ABCA8: variants seen among roughly 807,000 people sequenced by gnomAD.
ABCA8 encodes ATP binding cassette subfamily A member 8.
Under a neutral mutation model 192.3 loss-of-function variants are expected in ABCA8, and 177 were observed. The ratio of observed to expected loss-of-function variants is 0.92; its 90% confidence interval spans 0.81 to 1.04. The LOEUF (loss-of-function observed/expected upper bound fraction) is 1.04. ABCA8 is among the 50% of genes least tolerant of loss of function. The pLI is 0.00. For synonymous variants in ABCA8, 642 were observed against 690.2 expected (o/e 0.93, Z 1.09); for missense variants, 1,915 against 1,904.8 (o/e 1.01, Z -0.10).
intron 21 of ABCA8, among the ~76,000 whole-genome samples, chr17:68,897,276 T>C (rs66588031): frequency 0.42 from 63,996 of 152,020 alleles, 14,070 homozygotes; most frequent in East Asian, 0.56. Context: ...CTCAGGGGAA[T>C]AATGCACATG....
At chr17:68,913,517 AC>A (rs1158460953) in intron 17 of ABCA8, among the ~76,000 whole-genome samples, 1 of 152,052 alleles carries the variant, frequency 6.6e-6, no homozygotes, top group East Asian at 1.9e-4. Context: ...AAAGAGAAAG[AC>A]AAAAATAAAT....
intron 7 of ABCA8, among the ~76,000 whole-genome samples, chr17:68,930,022 T>C (rs1289990032): frequency 3.3e-5 from 5 of 151,684 alleles, no homozygotes; most frequent in African/African-American, 1.2e-4. Flanking sequence ...TAATAGATTT[T>C]GGATCGAACA....
At chr17:68,896,206 CA>C (rs1161533951) in intron 21 of ABCA8, among the ~76,000 whole-genome samples, 2 of 152,162 alleles carry the variant, frequency 1.3e-5, no homozygotes, top group Middle Eastern at 3.2e-3. Context: ...TGTTGGTAAG[CA>C]ATTGACAGGA....
chr17:68,893,721 C>CTTT lies in ABCA8; in HGVS notation c.3036+449_3036+451dup, dbSNP rs5821690. Among the ~76,000 whole-genome samples the CTTT allele has an allele frequency of 4.5e-3, 574 of 127,696 alleles. 9 individuals carry two copies. Among genetic ancestry groups the CTTT allele is most frequent in the African/African-American group, 0.016 (546 of 34,616 alleles). The allele number at this position is 127,696 out of a possible 152,430, so 83.8% of individuals were successfully genotyped here. ...TTTCATTTTTATTGCTTCATATTCT[C>CTTT]TTTTTTTTTTTTTCCTTTTCTTTTT... On this transcript the variant is annotated intron_variant, in intron 23 of 39. Coordinates refer to ENST00000586539, the MANE Select transcript of ABCA8 (RefSeq NM_001288985.2).
At chr17:68,882,451 A>C (rs2066358723) in intron 30 of ABCA8, 148 bp downstream of exon 30, 1 of 626,942 alleles carries the variant, frequency 1.6e-6, no homozygotes, top group African/African-American at 1.8e-5. Context: ...AAGAGTTAAC[A>C]TGACTTTTAG....
chr17:68,907,625 T>G, intron 18 of ABCA8, 115 bp downstream of exon 18: 1 of 922,114 alleles, frequency 1.1e-6, no homozygotes, highest in Non-Finnish European at 1.5e-6. Flanking sequence ...TTTGATTATG[T>G]TTCAGTACCT....
chr17:68,877,532 C>A lies in ABCA8; in HGVS notation c.4186G>T (p.Val1396Phe), dbSNP rs1448774683. 4.3e-6 allele frequency: 7 copies of A among 1,613,390 alleles called. No individual in the cohort carries two copies. Among genetic ancestry groups the A allele is most frequent in the Non-Finnish European group, 5.9e-6 (7 of 1,179,654 alleles). ...TCCTCTGTGTACCGTGTGATGGCAA[C>A]CTCAGCATCCCCTTTCCTCAGCCCT... ...VKGLRKGDAE[V>F]AITRLVDALK... The change falls in exon 33 of 40, where the codon GTT (valine) becomes TTT (phenylalanine). Residue 1396 changes from valine to phenylalanine, a missense_variant. Val to Phe is a conservative substitution (Grantham distance 50). Coordinates refer to ENST00000586539, the MANE Select transcript of ABCA8 (RefSeq NM_001288985.2).
At chr17:68,938,612 C>G (rs191933908) in intron 4 of ABCA8, among the ~76,000 whole-genome samples, 12 of 152,202 alleles carry the variant, frequency 7.9e-5, no homozygotes, top group Admixed American at 2.6e-4. Context: ...ATAATATTCA[C>G]CCTTTTAATA....
At position 68,902,815 on chromosome 17, in the gene ABCA8, G is replaced by A; in HGVS notation, c.2662C>T (p.Gln888Ter). The A allele has an allele frequency of 6.2e-7, 1 of 1,613,622 alleles. No individual in the cohort carries two copies. Among genetic ancestry groups the A allele is most frequent in the Non-Finnish European group, 8.5e-7 (1 of 1,179,694 alleles). The part of the protein sequence containing the change: ...LVEYTMVKIY[Q>*]NSYTWELSPH... The stretch of plus-strand genomic sequence containing the variant: ...GAAAGTTCCCAGGTGTAACTGTTTT[G>A]ATATATTTTCACCATGGTATACTCC... The change falls in exon 21 of 40, where the codon CAA (glutamine) becomes TAA (stop). Residue 888 changes from glutamine (Q) to a stop codon, truncating the protein, a stop_gained. Coordinates refer to ENST00000586539, the MANE Select transcript of ABCA8 (RefSeq NM_001288985.2). LOFTEE classifies it high-confidence loss of function.
At chr17:68,934,873 T>C (rs1172145413) in intron 5 of ABCA8, among the ~76,000 whole-genome samples, 1 of 152,196 alleles carries the variant, frequency 6.6e-6, no homozygotes, top group Admixed American at 6.5e-5. Context: ...TGATATAACA[T>C]GTGGTTTCAA....
At position 68,936,677 on chromosome 17, in the gene ABCA8, A is replaced by G. The variant is rs1483787795; in HGVS notation, c.466+274T>C. ...TTTTCTTTTAACAATCATATATTCC[A>G]TATAATATCTATGTGTGTACATATG... On this transcript the variant is annotated intron_variant, in intron 5 of 39. Coordinates refer to ENST00000586539, the MANE Select transcript of ABCA8 (RefSeq NM_001288985.2). Among the ~76,000 whole-genome samples the G allele has an allele frequency of 2.0e-5, 3 of 152,242 alleles. No homozygotes were observed. The East Asian group carries it at 5.8e-4, about 29-fold the overall frequency.
At chr17:68,896,851 T>G (rs2143434107) in intron 21 of ABCA8, among the ~76,000 whole-genome samples, 1 of 152,322 alleles carries the variant, frequency 6.6e-6, no homozygotes, top group Non-Finnish European at 1.5e-5. Flanking sequence ...GCAAATCTCT[T>G]CTGTAAATTG....
At chr17:68,945,795 A>G (rs1394762486) in intron 2 of ABCA8, among the ~76,000 whole-genome samples, 3 of 151,400 alleles carry the variant, frequency 2.0e-5, no homozygotes, top group South Asian at 4.2e-4. Context: ...GTTTGTATTT[A>G]TGTTTGTGTG....
At chr17:68,942,669 C>T (rs2068265872) in intron 2 of ABCA8, among the ~76,000 whole-genome samples, 1 of 152,096 alleles carries the variant, frequency 6.6e-6, no homozygotes, top group Non-Finnish European at 1.5e-5. Context: ...CACAGCTTGC[C>T]ATTCAGACTT....
chr17:68,929,118 G>T lies in ABCA8; in HGVS notation c.1056C>A (p.His352Gln), dbSNP rs749388155. The T allele has an allele frequency of 1.2e-6, 2 of 1,608,900 alleles. No homozygotes were observed. Among genetic ancestry groups the T allele is most frequent in the South Asian group, 1.1e-5 (1 of 89,844 alleles). The part of the protein sequence containing the change: ...GCLGFTSLYR[H>Q]LPASLEWILS... ...AAATCCACTCCAAGGATGCAGGAAGGTGTCTGTACAGTGATGTGAACCCCA... is the reference window on the plus strand; with the variant it reads ...AAATCCACTCCAAGGATGCAGGAAGTTGTCTGTACAGTGATGTGAACCCCA... Residue 352 changes from histidine to glutamine, a missense_variant, in exon 9 of 40, where the codon CAC becomes CAA. By Grantham distance (24) the His-to-Gln change is conservative. Transcript: ENST00000586539.
chr17:68,933,375 CA>C (rs2067965578), intron 5 of ABCA8, 104 bp from the exon 6 acceptor site: 8 of 654,240 alleles, frequency 1.2e-5, no homozygotes, highest in Non-Finnish European at 1.8e-5. Context: ...ACAATGACCC[CA>C]AATTCCAAAT....
At chr17:68,886,403 G>A (rs969377500) in intron 26 of ABCA8, among the ~76,000 whole-genome samples, 12 of 151,986 alleles carry the variant, frequency 7.9e-5, no homozygotes, top group African/African-American at 2.9e-4. Context: ...GTTTCTGTTC[G>A]TTATCTCTAT....
intron 11 of ABCA8, among the ~76,000 whole-genome samples, chr17:68,923,944 G>A (rs1210815363): frequency 6.6e-6 from 1 of 152,186 alleles, no homozygotes. Context: ...GCTTAACTCT[G>A]CAGGGCACCT....
chr17:68,946,887 G>T (rs1000222063), intron 2 of ABCA8, among the ~76,000 whole-genome samples: 3 of 152,170 alleles, frequency 2.0e-5, no homozygotes, highest in Non-Finnish European at 4.4e-5. Flanking sequence ...GTTGCAGTGA[G>T]CCAAGATGGC....
Sources: allele counts gnomAD v4.1 joint callset (sites outside exome capture counted in the v4.1 genomes callset), GRCh38; gene constraint gnomAD v4.1.1; transcripts MANE v1.5; gene names NCBI Gene and HGNC (gene_info 2026-07-23, HGNC 2026-07-21).